SND1: variants seen among roughly 807,000 people sequenced by gnomAD.
SND1 encodes staphylococcal nuclease and tudor domain containing 1, also known as staphylococcal nuclease domain-containing protein 1.
SND1 carries 38 observed loss-of-function variants against 121.7 expected under a neutral mutation model. That is an observed-to-expected ratio of 0.31 (90% CI 0.24 to 0.41). The LOEUF (loss-of-function observed/expected upper bound fraction) is 0.41, where lower values mean the gene tolerates loss of function less well. Ranked by LOEUF, SND1 falls within the 10% of genes least tolerant of loss-of-function variation. SND1 has a pLI of 1.00. For synonymous variants in SND1, 401 were observed against 447.4 expected (o/e 0.90, Z 1.31); for missense variants, 868 against 1,184.6 (o/e 0.73, Z 3.92).
In SND1 at chr7:127,943,646, G is replaced by A. The variant is rs1019812699; in HGVS notation, c.1669+14317G>A. On this transcript the variant is annotated intron_variant, in intron 15 of 23. Coordinates refer to ENST00000354725, the MANE Select transcript of SND1 (RefSeq NM_014390.4). ...TCTAGATCTCGTGGAGGAGATGAGTGGGACTCTAGAGACTTGAGAGAGGTA... is the reference window on the plus strand; with the variant it reads ...TCTAGATCTCGTGGAGGAGATGAGTAGGACTCTAGAGACTTGAGAGAGGTA... Among the ~76,000 whole-genome samples the A allele has an allele frequency of 4.6e-5, 7 of 152,094 alleles. No homozygotes were observed. The East Asian group carries it at 9.7e-4, about 21-fold the overall frequency.
intron 12 of SND1, among the ~76,000 whole-genome samples, chr7:127,861,789 G>C (rs1229484208): frequency 6.6e-6 from 1 of 152,130 alleles, no homozygotes; most frequent in Non-Finnish European, 1.5e-5. Context: ...TTTTTAATTA[G>C]TGTACCATTC....
chr7:127,663,962 T>C (rs1795364187), intron 1 of SND1, among the ~76,000 whole-genome samples: 2 of 152,150 alleles, frequency 1.3e-5, no homozygotes, highest in Admixed American at 1.3e-4. Context: ...GTGTGTGATA[T>C]TGTGATGTAA....
chr7:127,706,371 C>G (rs1442641274), intron 8 of SND1, among the ~76,000 whole-genome samples: 1 of 151,158 alleles, frequency 6.6e-6, no homozygotes, highest in Non-Finnish European at 1.5e-5. Flanking sequence ...ATTCCTCTGC[C>G]TCAGCCTCCC....
At chr7:127,704,711 T>TAAAC (rs138011369) in intron 7 of SND1, 128 bp from the exon 8 acceptor site, 31 of 776,136 alleles carry the variant, frequency 4.0e-5, no homozygotes, top group African/African-American at 6.9e-5. Context: ...TACTCTACTG[T>TAAAC]AAACAAACAA....
chr7:127,800,585 A>C (rs750341516), intron 10 of SND1, among the ~76,000 whole-genome samples: 3 of 152,220 alleles, frequency 2.0e-5, no homozygotes, highest in Non-Finnish European at 4.4e-5. Flanking sequence ...GTGATCAAAG[A>C]AGCTTTGGAG....
chr7:127,674,597 A>G (rs1795584747), intron 1 of SND1, among the ~76,000 whole-genome samples: 1 of 152,240 alleles, frequency 6.6e-6, no homozygotes, highest in Non-Finnish European at 1.5e-5. Context: ...GAGTGTTTAT[A>G]GCTTTTTTGA....
chr7:127,870,588 A>G (rs916118165), intron 12 of SND1, among the ~76,000 whole-genome samples: 6 of 152,194 alleles, frequency 3.9e-5, no homozygotes, highest in Non-Finnish European at 8.8e-5. Flanking sequence ...CAGTTATATA[A>G]CACAATGGTA....
chr7:127,892,587 G>A (rs148764361), intron 13 of SND1, among the ~76,000 whole-genome samples: 8 of 152,200 alleles, frequency 5.3e-5, no homozygotes, highest in African/African-American at 1.4e-4. Flanking sequence ...CCCAAAAGGC[G>A]GCCTTTCGGC....
Position 127,755,561 on chromosome 7 carries a change from C to T in SND1, c.1152+34161C>T, listed in dbSNP as rs373191706. Reference sequence around the variant, plus strand: ...ATATAATTCTGCTGATGCTGGGCAGCCATAGGTGCTTTGGCATTTGGGAGT... The same window carrying T: ...ATATAATTCTGCTGATGCTGGGCAGTCATAGGTGCTTTGGCATTTGGGAGT... On this transcript the variant is annotated intron_variant, in intron 10 of 23. Coordinates refer to ENST00000354725, the MANE Select transcript of SND1 (RefSeq NM_014390.4). Among the ~76,000 whole-genome samples, 7 of 152,324 alleles carry T rather than the reference C, an allele frequency of 4.6e-5. No homozygotes were observed. In the South Asian group the frequency reaches 1.5e-3, roughly 32 times the overall value.
chr7:127,799,420 CTAT>C (rs935459711), intron 10 of SND1, among the ~76,000 whole-genome samples: 1 of 152,160 alleles, frequency 6.6e-6, no homozygotes, highest in African/African-American at 2.4e-5. Flanking sequence ...TTATCTGTAA[CTAT>C]TATTATTCTT....
chr7:127,814,791 G>C (rs930430270), intron 11 of SND1, among the ~76,000 whole-genome samples: 10 of 152,118 alleles, frequency 6.6e-5, no homozygotes, highest in African/African-American at 2.4e-4. Context: ...TTTCCCAAGG[G>C]TATAAACAGT....
intron 12 of SND1, among the ~76,000 whole-genome samples, chr7:127,859,535 A>T (rs182731824): frequency 6.6e-6 from 1 of 152,290 alleles, no homozygotes; most frequent in Non-Finnish European, 1.5e-5. Context: ...AGGTGATATG[A>T]CACATTTATG....
intron 15 of SND1, among the ~76,000 whole-genome samples, chr7:127,943,360 A>G (rs993160215): frequency 2.6e-5 from 4 of 152,232 alleles, no homozygotes; most frequent in Non-Finnish European, 4.4e-5. Flanking sequence ...AAATAAAAAT[A>G]CTCATGAAAT....
chr7:128,049,667 C>G (rs2117018660), intron 16 of SND1, among the ~76,000 whole-genome samples: 1 of 152,276 alleles, frequency 6.6e-6, no homozygotes, highest in Middle Eastern at 3.4e-3. Flanking sequence ...TGAATTCTGG[C>G]CCTGTCACTT....
At chr7:127,769,606 GTAT>G (rs1797479456) in intron 10 of SND1, among the ~76,000 whole-genome samples, 1 of 151,790 alleles carries the variant, frequency 6.6e-6, no homozygotes, top group South Asian at 2.1e-4. Flanking sequence ...TTTATTCCAT[GTAT>G]CTTGTTCCTG....
intron 17 of SND1, among the ~76,000 whole-genome samples, chr7:128,075,969 C>G (rs1309005715): frequency 1.3e-5 from 2 of 152,212 alleles, no homozygotes; most frequent in African/African-American, 4.8e-5. Flanking sequence ...AGCGCTGGGG[C>G]CTCCTGTTTA....
At chr7:127,955,187 C>T (rs772530669) in intron 15 of SND1, among the ~76,000 whole-genome samples, 1 of 152,134 alleles carries the variant, frequency 6.6e-6, no homozygotes, top group African/African-American at 2.4e-5. Flanking sequence ...CATGAGCTTG[C>T]GTAATGTGCC....
chr7:127,773,540 GA>G (rs975150644), intron 10 of SND1, among the ~76,000 whole-genome samples: 13 of 147,560 alleles, frequency 8.8e-5, no homozygotes, highest in African/African-American at 1.2e-4. Flanking sequence ...TTGAAATTAG[GA>G]AAAAAAAAAG....
chr7:127,871,442 A>C (rs532375567), intron 12 of SND1, among the ~76,000 whole-genome samples: 1 of 152,308 alleles, frequency 6.6e-6, no homozygotes, highest in East Asian at 1.9e-4. Context: ...GCTGCAGGCT[A>C]TGACTACGCA....
Sources: allele counts gnomAD v4.1 joint callset (sites outside exome capture counted in the v4.1 genomes callset), GRCh38; gene constraint gnomAD v4.1.1; transcripts MANE v1.5; gene names NCBI Gene and HGNC (gene_info 2026-07-23, HGNC 2026-07-21).